Variants in OXCT1 observed in about 807,000 individuals in gnomAD.
OXCT1 encodes succinyl-CoA:3-ketoacid coenzyme A transferase 1, mitochondrial.
A neutral mutation model predicts 69.6 loss-of-function variants in OXCT1; 27 were observed. That is an observed-to-expected ratio of 0.39 (90% CI 0.29 to 0.54). OXCT1 has a LOEUF of 0.54. Ranked by LOEUF, OXCT1 falls within the 20% of genes least tolerant of loss-of-function variation. The probability of loss-of-function intolerance (pLI) is 0.72; values close to 1 mark genes in which losing one functional copy is unlikely to be tolerated. For missense variants in OXCT1, 437 were observed against 650.2 expected (o/e 0.67, Z 3.57); for synonymous variants, 202 against 217.8 (o/e 0.93, Z 0.64).
rs569750273 is a variant in OXCT1, at chr5:41,845,383, T to C, written c.565-2602A>G. ...TCTCTTTGCTGTTAATCTACTTGAT[T>C]TGTCTTCACAGTACTTCCACTATAG... On this transcript the variant is annotated intron_variant, in intron 5 of 16. Transcript: ENST00000196371. Among the ~76,000 whole-genome samples the C allele has an allele frequency of 2.0e-5, 3 of 152,296 alleles. No individual in the cohort carries two copies. The South Asian group carries it at 6.2e-4, about 32-fold the overall frequency.
intron 7 of OXCT1, among the ~76,000 whole-genome samples, chr5:41,839,078 A>C (rs6879341): frequency 0.19 from 28,734 of 152,056 alleles, 2,898 homozygotes; most frequent in Middle Eastern, 0.29. Context: ...CACAGGAGGG[A>C]AGCCTTTATT....
At chr5:41,739,640 T>G (rs1579631339) in intron 15 of OXCT1, 149 bp from the exon 16 acceptor site, 1 of 635,838 alleles carries the variant, frequency 1.6e-6, no homozygotes, top group Non-Finnish European at 2.9e-6. Context: ...CTTAGGTGGG[T>G]GGATCACAAG....
At chr5:41,773,629 G>A (rs57944767) in intron 13 of OXCT1, among the ~76,000 whole-genome samples, 17,321 of 62,640 alleles carry the variant, frequency 0.28, 2,010 homozygotes, top group African/African-American at 0.49. Context: ...CCACCCCTCT[G>A]CCAAAAAAAA....
At position 41,782,389 on chromosome 5, in the gene OXCT1, A is replaced by C. The variant is rs1745450364; in HGVS notation, c.1248+11614T>G. ...GCCACCATGCCTAGCAAATTTTTGT[A>C]TTTTTGTAAAGATCGGGTTTCACTG... On this transcript the variant is annotated intron_variant, in intron 13 of 16. Transcript: ENST00000196371. Among the ~76,000 whole-genome samples, 3 of 151,736 alleles carry C rather than the reference A, an allele frequency of 2.0e-5. No homozygotes were observed. In the South Asian group the frequency reaches 6.3e-4, roughly 32 times the overall value.
intron 16 of OXCT1, among the ~76,000 whole-genome samples, chr5:41,733,494 G>A (rs762629026): frequency 3.3e-5 from 5 of 152,134 alleles, no homozygotes; most frequent in Non-Finnish European, 7.4e-5. Flanking sequence ...TGATCCACCT[G>A]CCTCAGCCTC....
intron 1 of OXCT1, among the ~76,000 whole-genome samples, chr5:41,867,109 T>G (rs998872418): frequency 1.3e-5 from 2 of 152,120 alleles, no homozygotes; most frequent in African/African-American, 4.8e-5. Context: ...CATAGGTTTT[T>G]GGGGAACAAG....
intron 13 of OXCT1, among the ~76,000 whole-genome samples, chr5:41,767,720 G>GTTTATATATATATATATATA (rs751695010): frequency 1.3e-5 from 1 of 78,382 alleles, no homozygotes; most frequent in African/African-American, 6.0e-5. Flanking sequence ...ATATATGTGT[G>GTTTATATATATATATATATA]TGTATATATA....
intron 7 of OXCT1, among the ~76,000 whole-genome samples, chr5:41,808,252 G>A (rs762360302): frequency 1.1e-4 from 17 of 151,998 alleles, no homozygotes; most frequent in African/African-American, 2.2e-4. Context: ...TGACACGCAC[G>A]CACACAAACA....
At position 41,730,969 on chromosome 5, in the gene OXCT1, A is replaced by G. The variant is rs566975438; in HGVS notation, c.*760T>C. 2 of 152,356 alleles carry G rather than the reference A, an allele frequency of 1.3e-5. No homozygotes were observed. Among genetic ancestry groups the G allele is most frequent in the East Asian group, 3.9e-4 (2 of 5,188 alleles). 9.4% of individuals were successfully genotyped at this position (152,356 alleles called of 1,614,324 possible). On this transcript the variant is annotated 3_prime_UTR_variant, in exon 17 of 17. Coordinates refer to ENST00000196371, the MANE Select transcript of OXCT1 (RefSeq NM_000436.4). ...CCCTTCTTGGCTTGAGAGGAGGTACAGTACAAGTAGCCCACAGGGTCTCAA... is the reference window on the plus strand; with the variant it reads ...CCCTTCTTGGCTTGAGAGGAGGTACGGTACAAGTAGCCCACAGGGTCTCAA...
At chr5:41,752,498 AT>A (rs1743840807) in intron 14 of OXCT1, among the ~76,000 whole-genome samples, 1 of 152,070 alleles carries the variant, frequency 6.6e-6, no homozygotes, top group Non-Finnish European at 1.5e-5. Flanking sequence ...CACACCTGTA[AT>A]CCCAGCACTT....
chr5:41,816,932 C>G (rs1747273834), intron 7 of OXCT1, among the ~76,000 whole-genome samples: 1 of 152,184 alleles, frequency 6.6e-6, no homozygotes, highest in African/African-American at 2.4e-5. Context: ...TGTACTCAAA[C>G]TCTATACTTA....
chr5:41,865,489 T>G (rs908264861), intron 1 of OXCT1, among the ~76,000 whole-genome samples: 6 of 152,220 alleles, frequency 3.9e-5, no homozygotes, highest in African/African-American at 1.4e-4. Flanking sequence ...TACTTGTTTT[T>G]TTCATTATTC....
At chr5:41,831,429 CT>C (rs1748092113) in intron 7 of OXCT1, among the ~76,000 whole-genome samples, 1 of 152,182 alleles carries the variant, frequency 6.6e-6, no homozygotes, top group African/African-American at 2.4e-5. Context: ...TATCAGGTCC[CT>C]TTTCATGCTT....
intron 13 of OXCT1, among the ~76,000 whole-genome samples, chr5:41,767,022 CATTATTAAAAA>C (rs1409583769): frequency 3.3e-5 from 5 of 152,146 alleles, no homozygotes; most frequent in African/African-American, 1.2e-4. Context: ...CTGTCTTCCC[CATTATTAAAAA>C]ATGCTCTAGA....
chr5:41,752,564 G>A (rs1400180592), intron 14 of OXCT1, among the ~76,000 whole-genome samples: 1 of 151,882 alleles, frequency 6.6e-6, no homozygotes, highest in African/African-American at 2.4e-5. Context: ...AACACCCCAG[G>A]CAACATAGCA....
intron 13 of OXCT1, among the ~76,000 whole-genome samples, chr5:41,777,423 A>C (rs116470460): frequency 6.6e-6 from 1 of 152,164 alleles, no homozygotes; most frequent in East Asian, 1.9e-4. Context: ...CTTAAAAAAA[A>C]CCGTTCAATG....
intron 13 of OXCT1, among the ~76,000 whole-genome samples, chr5:41,790,589 G>T (rs1745869846): frequency 6.6e-6 from 1 of 152,164 alleles, no homozygotes; most frequent in South Asian, 2.1e-4. Flanking sequence ...AATGATTGAT[G>T]ATAATGTCAT....
chr5:41,791,872 C>G (rs1316657566), intron 13 of OXCT1, among the ~76,000 whole-genome samples: 1 of 152,128 alleles, frequency 6.6e-6, no homozygotes, highest in East Asian at 1.9e-4. Context: ...GGCGCGATCT[C>G]TGCTCACTGC....
chr5:41,745,057 G>A (rs1192720638), intron 15 of OXCT1, among the ~76,000 whole-genome samples: 1 of 151,914 alleles, frequency 6.6e-6, no homozygotes. Context: ...GGACCTAATA[G>A]ATACTACAGA....
Sources: allele counts gnomAD v4.1 joint callset (sites outside exome capture counted in the v4.1 genomes callset), GRCh38; gene constraint gnomAD v4.1.1; transcripts MANE v1.5; gene names NCBI Gene and HGNC (gene_info 2026-07-23, HGNC 2026-07-21).